The following HECW2 variants were observed in gnomAD, a reference collection of about 807,000 sequenced individuals.
HECW2 encodes HECT, C2 and WW domain containing E3 ubiquitin protein ligase 2.
A neutral mutation model predicts 175.2 loss-of-function variants in HECW2; 61 were observed. The observed-to-expected ratio is 0.35, with a 90% CI of 0.28 to 0.43. The LOEUF (loss-of-function observed/expected upper bound fraction) is 0.43. Ranked by LOEUF, HECW2 falls within the 20% of genes least tolerant of loss-of-function variation. The pLI, the probability that HECW2 is intolerant of heterozygous loss-of-function variation, is 1.00. For missense variants in HECW2, 1,524 were observed against 2,000.5 expected, an observed-to-expected ratio of 0.76 and a Z score of 4.54; for synonymous variants, 671 against 731.0, an observed-to-expected ratio of 0.92 and a Z score of 1.32.
intron 1 of HECW2, among the ~76,000 whole-genome samples, chr2:196,531,850 G>A (rs953708044): frequency 6.6e-6 from 1 of 152,022 alleles, no homozygotes; most frequent in Admixed American, 6.6e-5. Flanking sequence ...AATCTTGAAG[G>A]TCCATTAGAT....
intron 15 of HECW2, among the ~76,000 whole-genome samples, chr2:196,276,979 A>G (rs1689982626): frequency 6.6e-6 from 1 of 152,248 alleles, no homozygotes. Context: ...TACTGAAAAT[A>G]TGACATGCAC....
rs1295694142 is a variant in HECW2, at chr2:196,318,671, C to G, written c.2219G>C (p.Arg740Thr). 6 of 1,600,530 alleles carry G rather than the reference C, an allele frequency of 3.7e-6. No individual in the cohort carries two copies. Among genetic ancestry groups the G allele is most frequent in the Non-Finnish European group, 5.1e-6 (6 of 1,172,974 alleles). ...QEELGEVWQR[R>T]GSLEGAAAAA... Reference sequence around the variant, plus strand: ...AGCTGCAGCTCCCTCCAGGCTCCCCCTCCGCTGCCAGACCTCCCCCAGCTC... The same window carrying G: ...AGCTGCAGCTCCCTCCAGGCTCCCCGTCCGCTGCCAGACCTCCCCCAGCTC... Residue 740 changes from arginine (R) to threonine (T), a missense_variant, in exon 9 of 29, where the codon AGG becomes ACG. By Grantham distance (71) the Arg-to-Thr change is moderately conservative. Around this residue, in one of 11 missense-constraint regions of HECW2, gnomAD observed 604 missense variants for 588.3 expected, o/e 1.03. Transcript: ENST00000644978.
intron 13 of HECW2, among the ~76,000 whole-genome samples, chr2:196,293,688 G>C (rs930283488): frequency 2.6e-5 from 4 of 152,182 alleles, no homozygotes; most frequent in African/African-American, 9.7e-5. Context: ...GAAACACACA[G>C]TCAAAATTAT....
At chr2:196,301,337 T>C (rs1691043771) in intron 13 of HECW2, among the ~76,000 whole-genome samples, 1 of 152,236 alleles carries the variant, frequency 6.6e-6, no homozygotes, top group Non-Finnish European at 1.5e-5. Flanking sequence ...GCAATGAACA[T>C]ACATGTTCAC....
intron 1 of HECW2, among the ~76,000 whole-genome samples, chr2:196,561,206 T>A (rs1031225932): frequency 6.6e-6 from 1 of 152,218 alleles, no homozygotes; most frequent in Non-Finnish European, 1.5e-5. Flanking sequence ...AAATGGCCAC[T>A]CTGGGGGTGT....
At position 196,527,235 on chromosome 2, in the gene HECW2, A is replaced by G. The variant is rs1017504605; in HGVS notation, c.-36+66273T>C. 5.1e-4 allele frequency among the ~76,000 whole-genome samples: 77 copies of G among 152,224 alleles called. 1 individual carries two copies. The highest frequency in any genetic ancestry group is 9.8e-4 in the Admixed American group (15 of 15,294). On this transcript the variant is annotated intron_variant, in intron 1 of 28. Transcript: ENST00000644978. ...CGCAATATTCGGGTGGGAGTGACCC[A>G]ATTTTCCAGGTGCGTCCGTCACCCC...
chr2:196,432,655 TA>T, intron 2 of HECW2, among the ~76,000 whole-genome samples: 1 of 152,194 alleles, frequency 6.6e-6, no homozygotes, highest in East Asian at 1.9e-4. Flanking sequence ...TCATGAAATT[TA>T]AAAATAAAAA....
intron 1 of HECW2, among the ~76,000 whole-genome samples, chr2:196,586,003 GC>G (rs1193963116): frequency 6.6e-6 from 1 of 152,074 alleles, no homozygotes; most frequent in Non-Finnish European, 1.5e-5. Flanking sequence ...GGTCCCTCCT[GC>G]CATGGTTCTC....
At chr2:196,337,582 T>C (rs1692597730) in intron 3 of HECW2, among the ~76,000 whole-genome samples, 1 of 150,382 alleles carries the variant, frequency 6.6e-6, no homozygotes, top group Non-Finnish European at 1.5e-5. Context: ...AAAATATATA[T>C]ATATAAAATA....
Position 196,319,338 on chromosome 2 carries a change from C to A in HECW2, c.1552G>T (p.Ala518Ser). ...AAGGAAGCAGCTTCGTGTGTGGAGG[C>A]TTCCTCATTCTCAACAGGGTTGTCC... ...LEDNPVENEEASTHEAASFED... is the reference protein window; with the variant it reads ...LEDNPVENEESSTHEAASFED... Residue 518 changes from alanine to serine, a missense_variant, in exon 9 of 29, where the codon GCC (alanine) becomes TCC (serine). Physicochemically the swap from Ala to Ser is moderately conservative, Grantham distance 99 (BLOSUM62 1). Transcript: ENST00000644978. The A allele has an allele frequency of 1.9e-6, 3 of 1,614,154 alleles. No homozygotes were observed. The highest frequency in any genetic ancestry group is 3.3e-5 in the Admixed American group (2 of 60,024).
intron 1 of HECW2, among the ~76,000 whole-genome samples, chr2:196,538,840 T>C (rs1324951297): frequency 6.6e-6 from 1 of 152,172 alleles, no homozygotes. Flanking sequence ...AATAAAAGCT[T>C]AGCAGTCACC....
At chr2:196,433,862 C>T (rs1695791178) in intron 1 of HECW2, among the ~76,000 whole-genome samples, 1 of 152,210 alleles carries the variant, frequency 6.6e-6, no homozygotes, top group South Asian at 2.1e-4. Flanking sequence ...TAGCGAGACA[C>T]ATGCTAAATA....
intron 2 of HECW2, among the ~76,000 whole-genome samples, chr2:196,359,664 A>C (rs532119165): frequency 6.6e-6 from 1 of 152,374 alleles, no homozygotes; most frequent in South Asian, 2.1e-4. Context: ...GGAGTAAATT[A>C]TTCCTTTGAT....
chr2:196,248,752 CTT>C (rs1688750136), intron 19 of HECW2, among the ~76,000 whole-genome samples: 1 of 152,000 alleles, frequency 6.6e-6, no homozygotes. Context: ...AATGCTAAGA[CTT>C]TGTGGTGGGA....
At chr2:196,405,540 AAT>A (rs1259852658) in intron 2 of HECW2, among the ~76,000 whole-genome samples, 1 of 152,068 alleles carries the variant, frequency 6.6e-6, no homozygotes, top group African/African-American at 2.4e-5. Context: ...TTCTGGATGA[AAT>A]GTCTCTGCTC....
intron 1 of HECW2, among the ~76,000 whole-genome samples, chr2:196,472,606 G>A (rs893718698): frequency 2.0e-5 from 3 of 151,630 alleles, no homozygotes; most frequent in Non-Finnish European, 4.4e-5. Flanking sequence ...GGAGGAAGAT[G>A]ACTTTTTTTT....
chr2:196,414,736 A>G (rs1215464764), intron 2 of HECW2, among the ~76,000 whole-genome samples: 3 of 152,256 alleles, frequency 2.0e-5, no homozygotes, highest in East Asian at 3.9e-4. Flanking sequence ...CAGTGCCCCA[A>G]CACCAGCTTT....
chr2:196,276,999 G>C (rs1689983057), intron 15 of HECW2, among the ~76,000 whole-genome samples: 1 of 152,146 alleles, frequency 6.6e-6, no homozygotes, highest in African/African-American at 2.4e-5. Flanking sequence ...CATAGACACA[G>C]AAAAGGCATG....
chr2:196,380,907 G>A (rs1694190508), intron 2 of HECW2, among the ~76,000 whole-genome samples: 1 of 152,178 alleles, frequency 6.6e-6, no homozygotes, highest in African/African-American at 2.4e-5. Context: ...GTACTTGAAA[G>A]CTTTTGGCTG....
Sources: gnomAD v4.1 joint callset for allele counts (sites outside exome capture counted in the v4.1 genomes callset) on GRCh38, gnomAD v4.1.1 for gene constraint, gnomAD v4.1.1 regional missense constraint, MANE v1.5 for transcripts, NCBI Gene and HGNC (gene_info 2026-07-23, HGNC 2026-07-21) for gene names.